The following NMNAT3 variants were observed in gnomAD, a reference collection of about 807,000 sequenced individuals.
The protein encoded by NMNAT3 is nicotinamide/nicotinic acid mononucleotide adenylyltransferase 3.
NMNAT3 carries 21 observed loss-of-function variants against 24.8 expected under a neutral mutation model. The ratio of observed to expected loss-of-function variants is 0.85; its 90% CI spans 0.60 to 1.22. NMNAT3 has a LOEUF of 1.22. Among genes scored for constraint, NMNAT3 ranks in the 50% most tolerant of loss-of-function variants. The pLI is 0.00. For missense variants in NMNAT3, 387 were observed against 436.6 expected (o/e 0.89, Z 1.01); for synonymous variants, 136 against 155.2 (o/e 0.88, Z 0.92).
chr3:139,622,843 ATATAT>A (rs1320591146), intron 3 of NMNAT3, among the ~76,000 whole-genome samples: 100 of 118,772 alleles, frequency 8.4e-4, no homozygotes, highest in African/African-American at 3.0e-3. Flanking sequence ...TATATATTAT[ATATAT>A]TATATATATA....
chr3:139,628,345 C>T (rs938466506), intron 2 of NMNAT3, among the ~76,000 whole-genome samples: 4 of 152,256 alleles, frequency 2.6e-5, no homozygotes, highest in Admixed American at 2.6e-4. Context: ...TTTCCACACA[C>T]ATACATACCT....
intron 3 of NMNAT3, among the ~76,000 whole-genome samples, chr3:139,623,990 C>T (rs932667026): frequency 6.6e-6 from 1 of 152,226 alleles, no homozygotes; most frequent in African/African-American, 2.4e-5. Context: ...CGTCACTGGT[C>T]AATAGGAATT....
intron 3 of NMNAT3, among the ~76,000 whole-genome samples, chr3:139,593,016 C>G (rs1433409454): frequency 6.6e-6 from 1 of 152,262 alleles, no homozygotes; most frequent in East Asian, 1.9e-4. Context: ...TTAAAAGACA[C>G]AGACTGGCAA....
chr3:139,568,277 C>A, intron 6 of NMNAT3: 1 of 152,020 alleles, frequency 6.6e-6, no homozygotes, highest in East Asian at 1.9e-4. Flanking sequence ...TTTTGTTGAT[C>A]CTTTCAAAAA....
At chr3:139,599,315 C>G (rs778933415) in intron 3 of NMNAT3, 1 of 702,462 alleles carries the variant, frequency 1.4e-6, no homozygotes, top group South Asian at 1.5e-5. Flanking sequence ...GACTTCAGTT[C>G]TGGGGCTTTT....
intron 3 of NMNAT3, among the ~76,000 whole-genome samples, chr3:139,604,187 G>A (rs1158493067): frequency 6.6e-6 from 1 of 152,196 alleles, no homozygotes; most frequent in African/African-American, 2.4e-5. Flanking sequence ...CTGGGCTTCA[G>A]CTAGTTGTAA....
chr3:139,596,425 T>G (rs147444629), intron 3 of NMNAT3, among the ~76,000 whole-genome samples: 35 of 152,258 alleles, frequency 2.3e-4, no homozygotes, highest in African/African-American at 8.2e-4. Flanking sequence ...TCAAACTGCT[T>G]TTTTTTCCCT....
chr3:139,635,279 CA>C (rs2056459693), intron 2 of NMNAT3: 2 of 152,192 alleles, frequency 1.3e-5, no homozygotes, highest in Non-Finnish European at 2.9e-5. Context: ...TTGCTCAGGC[CA>C]GCTCAGCCTG....
At chr3:139,645,672 T>C (rs1008906524) in intron 1 of NMNAT3, among the ~76,000 whole-genome samples, 1 of 152,176 alleles carries the variant, frequency 6.6e-6, no homozygotes. Flanking sequence ...GGAGTTTTCC[T>C]ACCCAACAAT....
At chr3:139,614,698 G>T (rs1199752249) in intron 3 of NMNAT3, among the ~76,000 whole-genome samples, 1 of 152,222 alleles carries the variant, frequency 6.6e-6, no homozygotes, top group East Asian at 1.9e-4. Flanking sequence ...CATACATGAG[G>T]TCATTATGTC....
intron 1 of NMNAT3, among the ~76,000 whole-genome samples, chr3:139,666,208 A>C (rs542337258): frequency 6.6e-6 from 1 of 152,120 alleles, no homozygotes; most frequent in African/African-American, 2.4e-5. Flanking sequence ...AGGTGGGTCT[A>C]TTTTGTCCCC....
At chr3:139,613,346 A>G (rs2055321797) in intron 3 of NMNAT3, among the ~76,000 whole-genome samples, 1 of 152,126 alleles carries the variant, frequency 6.6e-6, no homozygotes, top group Non-Finnish European at 1.5e-5. Context: ...ACACTTCTCA[A>G]AAGAAGATAT....
At chr3:139,625,614 TA>T (rs970763854) in intron 3 of NMNAT3, among the ~76,000 whole-genome samples, 20 of 152,190 alleles carry the variant, frequency 1.3e-4, no homozygotes, top group African/African-American at 4.6e-4. Flanking sequence ...TGTTATCATA[TA>T]TTTTACTTCT....
chr3:139,629,927 T>C (rs1034573511), intron 2 of NMNAT3, among the ~76,000 whole-genome samples: 2 of 152,210 alleles, frequency 1.3e-5, no homozygotes, highest in Non-Finnish European at 2.9e-5. Flanking sequence ...TAGGTACCTA[T>C]ATCAGTTAGG....
In NMNAT3 at chr3:139,627,695, C is replaced by A; in HGVS notation, c.30G>T (p.Leu10=). 1 of 1,596,048 alleles carries A rather than the reference C, an allele frequency of 6.3e-7. No individual in the cohort carries two copies. The highest frequency in any genetic ancestry group is 2.2e-5 in the East Asian group (1 of 44,756). ...TGATGGGGTTAAAGGAGCCACAGGC[C>A]AGGAGCACCACAGGTATTCGGCTCT... Residue 10 remains leucine (L), a synonymous_variant, in exon 3 of 7, where the codon CTG becomes CTT. Transcript: ENST00000643695.
intron 3 of NMNAT3, among the ~76,000 whole-genome samples, chr3:139,622,917 A>G (rs2055869557): frequency 6.8e-6 from 1 of 147,590 alleles, no homozygotes; most frequent in Non-Finnish European, 1.5e-5. Context: ...GCAGGACTGG[A>G]AGTTGCTCTG....
chr3:139,659,481 A>G (rs564403271), intron 1 of NMNAT3, among the ~76,000 whole-genome samples: 13 of 152,362 alleles, frequency 8.5e-5, no homozygotes, highest in African/African-American at 3.1e-4. Context: ...ACTATGCCCC[A>G]TTTATGGCCT....
chr3:139,577,866 C>T (rs1338834702), intron 5 of NMNAT3: 3 of 152,174 alleles, frequency 2.0e-5, no homozygotes, highest in Admixed American at 6.5e-5. Flanking sequence ...TAATAAGAAC[C>T]AGGATATAAA....
intron 2 of NMNAT3, chr3:139,636,118 C>T (rs138736456): frequency 3.3e-5 from 5 of 152,274 alleles, no homozygotes; most frequent in East Asian, 3.9e-4. Flanking sequence ...GGGGTAGAAA[C>T]GATCTTCAAA....
Sources: allele counts gnomAD v4.1 joint callset (sites outside exome capture counted in the v4.1 genomes callset), GRCh38; gene constraint gnomAD v4.1.1; transcripts MANE v1.5; gene names NCBI Gene and HGNC (gene_info 2026-07-23, HGNC 2026-07-21).